The following SLC37A3 variants were observed in gnomAD, a reference collection of about 807,000 sequenced individuals.
SLC37A3 encodes the protein sugar phosphate exchanger 3.
Under a neutral mutation model 67.1 loss-of-function variants are expected in SLC37A3, and 51 were observed. The observed-to-expected ratio is 0.76, with a 90% CI of 0.61 to 0.96. The LOEUF (loss-of-function observed/expected upper bound fraction) is 0.96. SLC37A3 is among the 40% of genes least tolerant of loss of function. The pLI is 0.00. For synonymous variants in SLC37A3, 214 were observed against 231.4 expected, an observed-to-expected ratio of 0.92 and a Z score of 0.68; for missense variants, 508 against 603.0, an observed-to-expected ratio of 0.84 and a Z score of 1.65.
chr7:140,393,125 G>A (rs531412378), intron 1 of SLC37A3, among the ~76,000 whole-genome samples: 3 of 151,976 alleles, frequency 2.0e-5, no homozygotes, highest in Non-Finnish European at 2.9e-5. Context: ...ACTTCCTCCT[G>A]TGTCCTCAGT....
chr7:140,344,205 A>G (rs534579768), intron 12 of SLC37A3: 3 of 152,850 alleles, frequency 2.0e-5, no homozygotes, highest in East Asian at 1.9e-4. Flanking sequence ...AGGTGGGCAG[A>G]TCACCTGAAG....
intron 9 of SLC37A3, among the ~76,000 whole-genome samples, chr7:140,350,212 G>C (rs1186912895): frequency 6.6e-6 from 1 of 152,144 alleles, no homozygotes; most frequent in Non-Finnish European, 1.5e-5. Flanking sequence ...TCTATTCCAT[G>C]GGAAGGGGAA....
chr7:140,373,241 C>G (rs768789611), intron 3 of SLC37A3, among the ~76,000 whole-genome samples: 1 of 151,832 alleles, frequency 6.6e-6, no homozygotes, highest in African/African-American at 2.4e-5. Flanking sequence ...CAGTAGTGAG[C>G]CACTGCATCT....
At chr7:140,395,484 G>C (rs1179876410) in intron 1 of SLC37A3, among the ~76,000 whole-genome samples, 1 of 151,060 alleles carries the variant, frequency 6.6e-6, no homozygotes, top group Admixed American at 6.6e-5. Flanking sequence ...AAGGCAGGTG[G>C]ATCATTTGAG....
intron 5 of SLC37A3, 104 bp downstream of exon 5, chr7:140,364,301 GAAC>G: frequency 9.5e-7 from 1 of 1,048,876 alleles, no homozygotes; most frequent in Non-Finnish European, 1.3e-6. Context: ...TGAGGGATTC[GAAC>G]AATGAGGATT....
chr7:140,391,228 A>C (rs1481574200), intron 1 of SLC37A3, among the ~76,000 whole-genome samples: 3 of 152,236 alleles, frequency 2.0e-5, no homozygotes, highest in Non-Finnish European at 4.4e-5. Context: ...TCCAGGATCC[A>C]AATGACCAAT....
chr7:140,374,496 CAAA>C (rs5887970), intron 3 of SLC37A3, among the ~76,000 whole-genome samples: 9 of 125,596 alleles, frequency 7.2e-5, no homozygotes, highest in Non-Finnish European at 8.5e-5. Flanking sequence ...GACTCAATCT[CAAA>C]AAAAAAAAAA....
chr7:140,335,915 C>T (rs894846364), intron 14 of SLC37A3, among the ~76,000 whole-genome samples: 6 of 152,222 alleles, frequency 3.9e-5, no homozygotes, highest in African/African-American at 1.2e-4. Flanking sequence ...TACATGGGCC[C>T]AGTCTTTAGA....
chr7:140,374,234 G>A (rs1797933657), intron 3 of SLC37A3, among the ~76,000 whole-genome samples: 1 of 152,040 alleles, frequency 6.6e-6, no homozygotes, highest in Non-Finnish European at 1.5e-5. Flanking sequence ...GGTGGCTCAC[G>A]CCTACAATCC....
At chr7:140,359,281 T>C (rs1011222676) in intron 5 of SLC37A3, among the ~76,000 whole-genome samples, 1 of 149,632 alleles carries the variant, frequency 6.7e-6, no homozygotes, top group Admixed American at 6.7e-5. Flanking sequence ...AGGTGGAGCT[T>C]GCAGTGAGCC....
Position 140,348,757 on chromosome 7 carries a change from G to T in SLC37A3, c.893C>A (p.Ala298Asp). Residue 298 changes from alanine (A) to aspartate (D), a missense_variant, in exon 10 of 15, where the codon GCC becomes GAC. Physicochemically the swap from Ala to Asp is moderately radical, Grantham distance 126 (BLOSUM62 -2). Coordinates refer to ENST00000326232, the MANE Select transcript of SLC37A3 (RefSeq NM_207113.3). ...ATTCACTAACTTCAAGCAGGCGTAG[G>T]CCAGTGAGTACTACAAGAAAAGCAT... ...CLPGVIPYSL[A>D]YACLKLVNYS... is the part of the protein sequence containing the mutation. 1 of 1,614,086 alleles carries T rather than the reference G, an allele frequency of 6.2e-7. No homozygotes were observed. Among genetic ancestry groups the T allele is most frequent in the Non-Finnish European group, 8.5e-7 (1 of 1,180,016 alleles).
At chr7:140,344,693 T>G (rs183599559) in intron 12 of SLC37A3, among the ~76,000 whole-genome samples, 1 of 152,230 alleles carries the variant, frequency 6.6e-6, no homozygotes, top group Non-Finnish European at 1.5e-5. Flanking sequence ...GAGGTGTAGG[T>G]TGCAGTGAGC....
intron 6 of SLC37A3, among the ~76,000 whole-genome samples, 172 bp from the exon 7 acceptor site, chr7:140,355,936 T>G (rs184175179): frequency 6.6e-6 from 1 of 152,184 alleles, no homozygotes; most frequent in Non-Finnish European, 1.5e-5. Flanking sequence ...GGCTCACACC[T>G]GTAATCCCAG....
chr7:140,370,117 A>AT (rs1797762539), intron 3 of SLC37A3, among the ~76,000 whole-genome samples: 1 of 150,428 alleles, frequency 6.6e-6, no homozygotes, highest in South Asian at 2.1e-4. Flanking sequence ...TCTCAAAAAA[A>AT]CAAAAAAGAA....
At chr7:140,389,522 C>A (rs557297899) in intron 1 of SLC37A3, among the ~76,000 whole-genome samples, 5 of 152,246 alleles carry the variant, frequency 3.3e-5, no homozygotes, top group African/African-American at 1.2e-4. Context: ...CCCGACTGCT[C>A]GGGGAGACTG....
intron 11 of SLC37A3, among the ~76,000 whole-genome samples, chr7:140,345,607 C>T (rs1796524035): frequency 6.6e-6 from 1 of 152,078 alleles, no homozygotes; most frequent in Non-Finnish European, 1.5e-5. Context: ...CTGGAGCCTC[C>T]CCCAAACAAA....
intron 10 of SLC37A3, among the ~76,000 whole-genome samples, chr7:140,347,853 A>G (rs1314832126): frequency 1.3e-5 from 2 of 151,824 alleles, no homozygotes; most frequent in East Asian, 1.9e-4. Flanking sequence ...GTCTACCTCT[A>G]TGATCTGACG....
At chr7:140,379,046 C>T (rs1798144478) in intron 3 of SLC37A3, among the ~76,000 whole-genome samples, 1 of 152,058 alleles carries the variant, frequency 6.6e-6, no homozygotes, top group African/African-American at 2.4e-5. Context: ...ACAAATGAAA[C>T]AGGCTGGGCA....
intron 13 of SLC37A3, chr7:140,337,893 CTT>C (rs370151447): frequency 7.0e-5 from 10 of 143,596 alleles, no homozygotes; most frequent in Non-Finnish European, 9.2e-5. Flanking sequence ...GCCATTTTAA[CTT>C]TTTTTTTTTT....
Sources: gnomAD v4.1 joint callset for allele counts (sites outside exome capture counted in the v4.1 genomes callset) on GRCh38, gnomAD v4.1.1 for gene constraint, MANE v1.5 for transcripts, NCBI Gene and HGNC (gene_info 2026-07-23, HGNC 2026-07-21) for gene names.